DMWD: variants seen among roughly 807,000 people sequenced by gnomAD.
The protein encoded by DMWD is DM1 locus, WD repeat containing, also known as dystrophia myotonica WD repeat-containing protein.
A neutral mutation model predicts 45.8 loss-of-function variants in DMWD; 19 were observed. The ratio of observed to expected loss-of-function variants is 0.41; its 90% CI spans 0.29 to 0.61. DMWD has a LOEUF of 0.61. Ranked by LOEUF, DMWD falls within the 20% of genes least tolerant of loss-of-function variation. DMWD has a pLI of 0.25. For missense variants in DMWD, 802 were observed against 965.2 expected, an observed-to-expected ratio of 0.83 and a Z score of 2.24; for synonymous variants, 515 against 440.5, an observed-to-expected ratio of 1.17 and a Z score of -2.12.
chr19:45,786,478 A>G lies in DMWD; in HGVS notation c.1018T>C (p.Tyr340His). The G allele has an allele frequency of 6.2e-7, 1 of 1,612,948 alleles. No homozygotes were observed. The highest frequency in any genetic ancestry group is 8.5e-7 in the Non-Finnish European group (1 of 1,179,074). The stretch of plus-strand genomic sequence containing the variant: ...TCATCTTCGCCACCCGTCACCACGT[A>G]GCGGCCGTCAGGGCTCCAGCACACA... ...LCVCWSPDGR[Y>H]VVTGGEDDLV... is the part of the protein sequence containing the mutation. The change falls in exon 3 of 5, where the codon TAC becomes CAC. Residue 340 changes from tyrosine to histidine, a missense_variant. Transcript: ENST00000270223.
chr19:45,786,730 G>T lies in DMWD; in HGVS notation c.766C>A (p.Leu256Met), dbSNP rs376263992. ...GAGAAGCCCTCGCCCTGCTTCAGCA[G>T]GCTGTACTGGGGCGGGGCCGAGGCG... ...PCASAPPQYSLLKQGEGFSVY... is the reference protein window; with the variant it reads ...PCASAPPQYSMLKQGEGFSVY... Residue 256 changes from leucine to methionine, a missense_variant, in exon 3 of 5, where the codon CTG becomes ATG. Leu to Met is a conservative substitution (Grantham distance 15). This residue lies in a region of DMWD where 146 missense variants were observed against 212.8 expected (regional missense o/e 0.69). Transcript: ENST00000270223. The T allele has an allele frequency of 1.1e-5, 17 of 1,613,608 alleles. No individual in the cohort carries two copies. The highest frequency in any genetic ancestry group is 1.4e-5 in the Non-Finnish European group (17 of 1,179,686).
At chr19:45,790,670 G>A (rs1183179905) in intron 2 of DMWD, 1 of 363,580 alleles carries the variant, frequency 2.8e-6, no homozygotes, top group Non-Finnish European at 5.0e-6. Context: ...ATAAATAAAA[G>A]AAAGAAAGAA....
At chr19:45,789,112 C>T (rs563641575) in intron 2 of DMWD, 2 of 152,132 alleles carry the variant, frequency 1.3e-5, no homozygotes, top group African/African-American at 2.4e-5. Context: ...TGCTGACACA[C>T]GAAGACTTAA....
chr19:45,786,338 C>G lies in DMWD; in HGVS notation c.1158G>C (p.Ala386=). Residue 386 remains alanine, a synonymous_variant, in exon 3 of 5, where the codon GCG becomes GCC. Coordinates refer to ENST00000270223, the MANE Select transcript of DMWD (RefSeq NM_004943.2). The part of the protein sequence containing the change: ...FDPYTTRAEE[A]ATAAGADGER... ...CCCCATCAGCACCGGCTGCTGTCGC[C>G]GCCTCCTCTGCCCTTGTGGTGTAGG... The G allele has an allele frequency of 6.2e-7, 1 of 1,607,392 alleles. No individual in the cohort carries two copies. The highest frequency in any genetic ancestry group is 8.5e-7 in the Non-Finnish European group (1 of 1,175,344).
rs754159564 is a variant in DMWD at position 45,785,869 on chromosome 19, A to G, written c.1627T>C (p.Tyr543His). ...DRGAEKEHKRYHSLGNISRGG... is the reference protein window; with the variant it reads ...DRGAEKEHKRHHSLGNISRGG... ...CGGCTGATGTTGCCCAGGCTGTGGTAGCGCTTGTGCTCCTTCTCTGCCCCC... is the reference window on the plus strand; with the variant it reads ...CGGCTGATGTTGCCCAGGCTGTGGTGGCGCTTGTGCTCCTTCTCTGCCCCC... Residue 543 changes from tyrosine to histidine, a missense_variant, in exon 3 of 5, where the codon TAC becomes CAC. Transcript: ENST00000270223. 1.2e-5 allele frequency: 20 copies of G among 1,607,184 alleles called. No homozygotes were observed. Among genetic ancestry groups the G allele is most frequent in the Non-Finnish European group, 1.7e-5 (20 of 1,179,720 alleles).
In DMWD at chr19:45,785,992, C is replaced by A; in HGVS notation, c.1504G>T (p.Gly502Trp). 6.4e-7 allele frequency: 1 copy of A among 1,568,390 alleles called. No individual in the cohort carries two copies. Among genetic ancestry groups the A allele is most frequent in the Admixed American group, 1.7e-5 (1 of 57,350 alleles). The change falls in exon 3 of 5, where the codon GGG (glycine) becomes TGG (tryptophan). Residue 502 changes from glycine to tryptophan, a missense_variant. Physicochemically the swap from Gly to Trp is radical, Grantham distance 184. Around this residue, in one of 9 missense-constraint regions of DMWD, gnomAD observed 303 missense variants for 332.9 expected, o/e 0.91. Coordinates refer to ENST00000270223, the MANE Select transcript of DMWD (RefSeq NM_004943.2). ...RSNSLPHPAG[G>W]GKAGGPGVAA... Reference sequence around the variant, plus strand: ...ACACCCGGGCCGCCCGCCTTGCCCCCGCCAGCTGGGTGCGGGAGACTGTTG... The same window carrying A: ...ACACCCGGGCCGCCCGCCTTGCCCCAGCCAGCTGGGTGCGGGAGACTGTTG...
rs1212887082 is a variant in DMWD, at chr19:45,792,502, G to A, written c.255C>T (p.Pro85=). ...GPASSPPPAG[P]GPGPALPAVR... is the part of the protein sequence containing the mutation. The stretch of plus-strand genomic sequence containing the variant: ...CGGCGGGCAGGGCGGGCCCGGGTCC[G>A]GGGCCTGCGGGCGGCGGGGACGACG... Residue 85 remains proline, a synonymous_variant, in exon 1 of 5, where the codon CCC becomes CCT. Transcript: ENST00000270223. 1 of 1,156,550 alleles carries A rather than the reference G, an allele frequency of 8.6e-7. No homozygotes were observed. The highest frequency in any genetic ancestry group is 4.9e-5 in the Admixed American group (1 of 20,572). 71.6% of individuals were successfully genotyped at this position (1,156,550 alleles called of 1,614,324 possible). A position where few individuals can be genotyped will look rare whatever the true frequency, so the allele number is the denominator to read the frequency against.
Position 45,785,976 on chromosome 19 carries a change from C to G in DMWD, c.1520G>C (p.Gly507Ala). 1 of 1,574,198 alleles carries G rather than the reference C, an allele frequency of 6.4e-7. No homozygotes were observed. ...PHPAGGGKAGGPGVAAEPGTP... is the reference protein window; with the variant it reads ...PHPAGGGKAGAPGVAAEPGTP... ...GCCAGGCTCTGCCGCCACACCCGGG[C>G]CGCCCGCCTTGCCCCCGCCAGCTGG... is the stretch of plus-strand genomic sequence containing the variant. Residue 507 changes from glycine to alanine, a missense_variant, in exon 3 of 5, where the codon GGC becomes GCC. Transcript: ENST00000270223.
Position 45,785,603 on chromosome 19 carries a change from C to T in DMWD, c.1893G>A (p.Pro631=), listed in dbSNP as rs748456041. ...GTGTGGGGCCACTCACCGCCTTGCCCGGCCGGGCCCAGGTGCAGATGAGGC... is the reference window on the plus strand; with the variant it reads ...GTGTGGGGCCACTCACCGCCTTGCCTGGCCGGGCCCAGGTGCAGATGAGGC... ...QEGLICTWAR[P]GKAFTDEETE... Residue 631 remains proline, a synonymous_variant, in exon 3 of 5, where the codon CCG becomes CCA. Transcript: ENST00000270223. The T allele has an allele frequency of 8.9e-5, 133 of 1,495,846 alleles. 2 individuals carry two copies. In the African/African-American group the frequency reaches 1.0e-3, roughly 11 times the overall value. 92.7% of individuals were successfully genotyped at this position (1,495,846 alleles called of 1,614,324 possible).
In DMWD at chr19:45,785,994, C is replaced by G; in HGVS notation, c.1502G>C (p.Gly501Ala). ...ACCCGGGCCGCCCGCCTTGCCCCCG[C>G]CAGCTGGGTGCGGGAGACTGTTGGA... is the stretch of plus-strand genomic sequence containing the variant. Reference protein sequence around the residue: ...SRSNSLPHPAGGGKAGGPGVA... With the variant: ...SRSNSLPHPAAGGKAGGPGVA... Residue 501 changes from glycine to alanine, a missense_variant, in exon 3 of 5, where the codon GGC becomes GCC. By Grantham distance (60) the Gly-to-Ala change is moderately conservative (BLOSUM62 0). Around this residue, in one of 9 missense-constraint regions of DMWD, gnomAD observed 303 missense variants for 332.9 expected, o/e 0.91. Transcript: ENST00000270223. 1 of 1,568,318 alleles carries G rather than the reference C, an allele frequency of 6.4e-7. No homozygotes were observed. The highest frequency in any genetic ancestry group is 8.6e-7 in the Non-Finnish European group (1 of 1,157,902).
rs535835589 is a variant in DMWD, at chr19:45,785,030, C to T, written c.1903-315G>A. On this transcript the variant is annotated intron_variant, in intron 3 of 4. Transcript: ENST00000270223. ...ATCCACCCACTGCCCATCCTACAGG[C>T]TCTGTTCTAAGAGGTGATGAGTTGG... 5.9e-5 allele frequency among the ~76,000 whole-genome samples: 9 copies of T among 152,320 alleles called. No homozygotes were observed. In the South Asian group the frequency reaches 8.3e-4, roughly 14 times the overall value.
Position 45,782,983 on chromosome 19 carries a change from CTTT to C in DMWD, c.*1257_*1259del, listed in dbSNP as rs58631999. 212 of 41,546 alleles carry C rather than the reference CTTT, an allele frequency of 5.1e-3. 1 individual carries two copies. The highest frequency in any genetic ancestry group is 0.019 in the African/African-American group (183 of 9,544). 2.6% of individuals were successfully genotyped at this position (41,546 alleles called of 1,614,324 possible). A position where few individuals can be genotyped will look rare whatever the true frequency, so the allele number is the denominator to read the frequency against. ...CCTCAGGCTCTCTGCTTTATACCAG[CTTT>C]TTTTTTTTTTTTTTTTTTTTTTCCC... On this transcript the variant is annotated 3_prime_UTR_variant, in exon 5 of 5. Transcript: ENST00000270223.
intron 1 of DMWD, among the ~76,000 whole-genome samples, chr19:45,791,621 T>C (rs189077743): frequency 6.6e-6 from 1 of 152,224 alleles, no homozygotes; most frequent in Non-Finnish European, 1.5e-5. Flanking sequence ...ATTTATTACC[T>C]AGGGGCTCCG....
At position 45,782,966 on chromosome 19, in the gene DMWD, T is replaced by C. The variant is rs1970199441; in HGVS notation, c.*1277A>G. On this transcript the variant is annotated 3_prime_UTR_variant, in exon 5 of 5. Transcript: ENST00000270223. Reference sequence around the variant, plus strand: ...GGACAGTTAAATTTAGCCCTCAGGCTCTCTGCTTTATACCAGCTTTTTTTT... The same window carrying C: ...GGACAGTTAAATTTAGCCCTCAGGCCCTCTGCTTTATACCAGCTTTTTTTT... The C allele has an allele frequency of 6.9e-6, 1 of 145,536 alleles. No individual in the cohort carries two copies. The allele number at this position is 145,536 out of a possible 1,614,324, so 9.0% of individuals were successfully genotyped here. A position where few individuals can be genotyped will look rare whatever the true frequency, so the allele number is the denominator to read the frequency against.
Position 45,792,335 on chromosome 19 carries a change from C to G in DMWD, c.422G>C (p.Cys141Ser). 6.2e-7 allele frequency: 1 copy of G among 1,611,862 alleles called. No homozygotes were observed. Among genetic ancestry groups the G allele is most frequent in the South Asian group, 1.1e-5 (1 of 90,846 alleles). Reference sequence around the variant, plus strand: ...GCTCACCCGTTGGCTCCCACGACGACAGCAGCCTGGGTAGAAATAGAGCTC... The same window carrying G: ...GCTCACCCGTTGGCTCCCACGACGAGAGCAGCCTGGGTAGAAATAGAGCTC... Reference protein sequence around the residue: ...GRELYFYPGCCRRGSQRSIDL... With the variant: ...GRELYFYPGCSRRGSQRSIDL... The change falls in exon 1 of 5, where the codon TGT becomes TCT. Residue 141 changes from cysteine to serine, a missense_variant. By Grantham distance (112) the Cys-to-Ser change is moderately radical. Transcript: ENST00000270223.
At chr19:45,787,824 T>C (rs1159678591) in intron 2 of DMWD, among the ~76,000 whole-genome samples, 1 of 152,172 alleles carries the variant, frequency 6.6e-6, no homozygotes, top group East Asian at 1.9e-4. Context: ...TCCCAGCACT[T>C]TGGGAGGCTG....
intron 3 of DMWD, 148 bp downstream of exon 3, chr19:45,785,446 G>A (rs1462035184): frequency 1.4e-6 from 2 of 1,389,632 alleles, no homozygotes; most frequent in Non-Finnish European, 9.3e-7. Context: ...GAGAGGTCTT[G>A]TACTGAGACA....
chr19:45,784,829 C>T (rs58245698), intron 3 of DMWD, 114 bp from the exon 4 acceptor site: 10 of 1,469,170 alleles, frequency 6.8e-6, no homozygotes, highest in South Asian at 2.8e-5. Flanking sequence ...CAGGACTCTA[C>T]GATTCCAAAA....
At position 45,783,443 on chromosome 19, in the gene DMWD, T is replaced by C. The variant is rs1483404008; in HGVS notation, c.*800A>G. 2.5e-6 allele frequency: 1 copy of C among 397,290 alleles called. No individual in the cohort carries two copies. The highest frequency in any genetic ancestry group is 4.4e-6 in the Non-Finnish European group (1 of 225,720). The allele number at this position is 397,290 out of a possible 1,614,324, so 24.6% of individuals were successfully genotyped here. A position where few individuals can be genotyped will look rare whatever the true frequency, so the allele number is the denominator to read the frequency against. On this transcript the variant is annotated 3_prime_UTR_variant, in exon 5 of 5. Transcript: ENST00000270223. ...TGGGAAACGTGGTCCTGGGCAGTTC[T>C]GATAATTTAAAAAACACCGAGGACT...
Sources: allele counts gnomAD v4.1 joint callset (sites outside exome capture counted in the v4.1 genomes callset), GRCh38; gene constraint gnomAD v4.1.1; regional missense constraint gnomAD v4.1.1; transcripts MANE v1.5; gene names NCBI Gene and HGNC (gene_info 2026-07-23, HGNC 2026-07-21).